ABL1: variants seen among roughly 807,000 people sequenced by gnomAD.
The protein encoded by ABL1 is ABL proto-oncogene 1, non-receptor tyrosine kinase.
ABL1 carries 11 observed loss-of-function variants against 94.7 expected under a neutral mutation model. The observed-to-expected ratio is 0.12, with a 90% CI of 0.07 to 0.19. The LOEUF is 0.19. Ranked by LOEUF, ABL1 falls within the 10% of genes least tolerant of loss-of-function variation. ABL1 has a pLI of 1.00. For missense variants in ABL1, 1,082 were observed against 1,489.4 expected (o/e 0.73, Z 4.50); for synonymous variants, 656 against 622.4 (o/e 1.05, Z -0.80).
intron 1 of ABL1, among the ~76,000 whole-genome samples, chr9:130,853,170 CTTTTTTT>C (rs11418318): frequency 2.1e-3 from 158 of 75,348 alleles, no homozygotes; most frequent in Non-Finnish European, 2.8e-3. Context: ...TTTGACTTTT[CTTTTTTT>C]TTTTTTTTTT....
chr9:130,727,116 A>G (rs779960281), intron 1 of ABL1, among the ~76,000 whole-genome samples: 1 of 152,172 alleles, frequency 6.6e-6, no homozygotes, highest in Non-Finnish European at 1.5e-5. Context: ...GTAGTTGAAA[A>G]AAGTTTGTGT....
intron 1 of ABL1, among the ~76,000 whole-genome samples, chr9:130,852,325 G>T (rs901036023): frequency 2.0e-5 from 3 of 152,076 alleles, no homozygotes; most frequent in Non-Finnish European, 4.4e-5. Context: ...GAGTAGCTGG[G>T]ACTAGTAGCT....
At chr9:130,728,379 T>C (rs896285866) in intron 1 of ABL1, among the ~76,000 whole-genome samples, 43 of 150,068 alleles carry the variant, frequency 2.9e-4, no homozygotes, top group African/African-American at 7.9e-4. Flanking sequence ...GTTTTTTTTT[T>C]TTTTCTTTTC....
intron 1 of ABL1, among the ~76,000 whole-genome samples, chr9:130,733,830 T>TC (rs1831699560): frequency 6.6e-6 from 1 of 152,068 alleles, no homozygotes; most frequent in African/African-American, 2.4e-5. Context: ...GACTTTGTGA[T>TC]CCGCCCGCCT....
chr9:130,788,167 A>G (rs979340524), intron 1 of ABL1, among the ~76,000 whole-genome samples: 8 of 152,226 alleles, frequency 5.3e-5, no homozygotes, highest in Non-Finnish European at 1.2e-4. Context: ...CACATCCACC[A>G]TTGGTTTAAG....
At chr9:130,783,419 T>C (rs1244883463) in intron 1 of ABL1, among the ~76,000 whole-genome samples, 8 of 152,230 alleles carry the variant, frequency 5.3e-5, no homozygotes, top group Admixed American at 5.2e-4. Context: ...TAAAGATGTA[T>C]TCTGATAACG....
chr9:130,720,928 A>G (rs1831506243), intron 1 of ABL1, among the ~76,000 whole-genome samples: 1 of 151,962 alleles, frequency 6.6e-6, no homozygotes, highest in Admixed American at 6.6e-5. Context: ...TATTGAAATG[A>G]AGGTCGAGGC....
At chr9:130,876,086 A>C (rs1215586907) in intron 7 of ABL1, among the ~76,000 whole-genome samples, 1 of 152,182 alleles carries the variant, frequency 6.6e-6, no homozygotes, top group African/African-American at 2.4e-5. Context: ...TCGGCCTCCC[A>C]AAGTGCTGGG....
At chr9:130,723,617 C>T (rs1300510557) in intron 1 of ABL1, among the ~76,000 whole-genome samples, 3 of 151,990 alleles carry the variant, frequency 2.0e-5, no homozygotes, top group African/African-American at 7.3e-5. Context: ...TCCAGTCCCC[C>T]CTCCCTTCTG....
chr9:130,713,078 G>C (rs1238413155), exon 1 of ABL1, among the ~76,000 whole-genome samples: 2 of 152,228 alleles, frequency 1.3e-5, no homozygotes, highest in South Asian at 2.1e-4. Context: ...TGGTGTCTGT[G>C]CCTGAGCAGC....
intron 1 of ABL1, among the ~76,000 whole-genome samples, chr9:130,757,090 T>G (rs1173476030): frequency 6.6e-6 from 1 of 152,184 alleles, no homozygotes; most frequent in Non-Finnish European, 1.5e-5. Context: ...TTTAGAAGTT[T>G]GCTTTATAAG....
At chr9:130,717,559 C>G (rs1024283898) in intron 1 of ABL1, among the ~76,000 whole-genome samples, 1 of 151,358 alleles carries the variant, frequency 6.6e-6, no homozygotes, top group African/African-American at 2.4e-5. Flanking sequence ...AAAAATTAGC[C>G]AAGCTCCCAC....
intron 1 of ABL1, among the ~76,000 whole-genome samples, chr9:130,821,089 C>A (rs992058919): frequency 1.3e-5 from 2 of 152,062 alleles, no homozygotes; most frequent in African/African-American, 4.8e-5. Context: ...GCCACCATGC[C>A]CAGCTAAGTT....
intron 1 of ABL1, among the ~76,000 whole-genome samples, chr9:130,822,700 T>G (rs1481529537): frequency 6.6e-6 from 1 of 152,186 alleles, no homozygotes; most frequent in Admixed American, 6.5e-5. Context: ...TATTTCATCT[T>G]TGGTGACCTG....
In ABL1 at chr9:130,748,084, C is replaced by T. The variant is rs534366164; in HGVS notation, c.136+33629C>T. ...CTATTGTCGGTATTTTTAATTTTAG[C>T]CATTCTAGTGAGTATCTCATCATGG... is the stretch of plus-strand genomic sequence containing the variant. On this transcript the variant is annotated intron_variant, in intron 1 of 10. Coordinates refer to the ABL1 transcript ENST00000372348. Among the ~76,000 whole-genome samples the T allele has an allele frequency of 3.3e-5, 5 of 152,268 alleles. No homozygotes were observed. The South Asian group carries it at 1.0e-3, about 32-fold the overall frequency.
At chr9:130,782,949 C>T (rs1159141616) in intron 1 of ABL1, among the ~76,000 whole-genome samples, 1 of 152,206 alleles carries the variant, frequency 6.6e-6, no homozygotes. Flanking sequence ...ATCTCTCTTA[C>T]ATAGAAACAT....
intron 1 of ABL1, among the ~76,000 whole-genome samples, chr9:130,771,996 C>T (rs1255096981): frequency 6.6e-6 from 1 of 152,128 alleles, no homozygotes; most frequent in East Asian, 1.9e-4. Flanking sequence ...TCAGGTGAGC[C>T]GCCAGCCTTG....
At chr9:130,815,173 A>G (rs191454178) in intron 1 of ABL1, among the ~76,000 whole-genome samples, 2 of 151,874 alleles carry the variant, frequency 1.3e-5, no homozygotes, top group Admixed American at 1.3e-4. Flanking sequence ...ATCTCTACTA[A>G]AAGTACAAAA....
chr9:130,757,077 C>A (rs981926934), intron 1 of ABL1, among the ~76,000 whole-genome samples: 2 of 152,102 alleles, frequency 1.3e-5, no homozygotes, highest in Admixed American at 1.3e-4. Context: ...AGTTTGGGAC[C>A]CTTTTAGAAG....
Sources: allele counts gnomAD v4.1 joint callset (sites outside exome capture counted in the v4.1 genomes callset), GRCh38; gene constraint gnomAD v4.1.1; transcripts MANE v1.5; gene names NCBI Gene and HGNC (gene_info 2026-07-23, HGNC 2026-07-21).